DPP10: variants seen among roughly 807,000 people sequenced by gnomAD.
DPP10 encodes dipeptidyl peptidase like 10.
In DPP10, 33 loss-of-function variants were observed where a neutral mutation model predicts 120.9. The ratio of observed to expected loss-of-function variants is 0.27; its 90% confidence interval spans 0.21 to 0.37. DPP10 has a LOEUF of 0.37. Among genes scored for constraint, DPP10 ranks in the 10% least tolerant of loss-of-function variants. DPP10 has a pLI of 1.00. For missense variants in DPP10, 816 were observed against 942.8 expected (o/e 0.87, Z 1.76); for synonymous variants, 337 against 326.1 (o/e 1.03, Z -0.36).
At chr2:115,429,948 G>A (rs2070821735) in intron 3 of DPP10, among the ~76,000 whole-genome samples, 1 of 152,154 alleles carries the variant, frequency 6.6e-6, no homozygotes, top group Non-Finnish European at 1.5e-5. Context: ...GAGTGTGACT[G>A]GAAGTGGAAA....
chr2:114,723,777 ACT>A (rs1168116277), intron 1 of DPP10, among the ~76,000 whole-genome samples: 1 of 152,004 alleles, frequency 6.6e-6, no homozygotes, highest in Non-Finnish European at 1.5e-5. Flanking sequence ...GAATTCAAAA[ACT>A]CTCAGAAATT....
intron 15 of DPP10, among the ~76,000 whole-genome samples, chr2:115,780,626 A>C (rs1428386608): frequency 6.6e-6 from 1 of 151,856 alleles, no homozygotes; most frequent in Non-Finnish European, 1.5e-5. Context: ...CATACATACA[A>C]GTGTACATAT....
At chr2:114,653,858 C>G (rs921223918) in intron 1 of DPP10, among the ~76,000 whole-genome samples, 1 of 152,150 alleles carries the variant, frequency 6.6e-6, no homozygotes, top group Non-Finnish European at 1.5e-5. Context: ...AGATTCTCTT[C>G]GGGAATCCCT....
At chr2:115,803,790 C>G (rs191655366) in intron 19 of DPP10, among the ~76,000 whole-genome samples, 4 of 152,074 alleles carry the variant, frequency 2.6e-5, no homozygotes, top group Non-Finnish European at 5.9e-5. Flanking sequence ...GAGTTTCTGC[C>G]GAGAGATCCG....
At chr2:114,458,086 A>C (rs1678679082) in intron 1 of DPP10, among the ~76,000 whole-genome samples, 1 of 152,128 alleles carries the variant, frequency 6.6e-6, no homozygotes, top group Non-Finnish European at 1.5e-5. Flanking sequence ...TGACTCAAAA[A>C]GACCATTTCA....
At chr2:114,812,182 G>A (rs1685233405) in intron 1 of DPP10, among the ~76,000 whole-genome samples, 1 of 152,182 alleles carries the variant, frequency 6.6e-6, no homozygotes, top group African/African-American at 2.4e-5. Flanking sequence ...CTGCAGAATT[G>A]TTATTTGCAG....
intron 1 of DPP10, among the ~76,000 whole-genome samples, chr2:114,664,621 C>T (rs1247727305): frequency 8.0e-5 from 10 of 125,758 alleles, no homozygotes; most frequent in African/African-American, 2.3e-4. Flanking sequence ...AGCGAGACTC[C>T]GTCTCAAAAA....
At chr2:115,706,876 A>G (rs1157377801) in intron 7 of DPP10, among the ~76,000 whole-genome samples, 2 of 151,976 alleles carry the variant, frequency 1.3e-5, no homozygotes, top group Non-Finnish European at 2.9e-5. Context: ...GTCTGCATTA[A>G]TGTCGAGACT....
At chr2:115,596,173 A>G (rs2082975838) in intron 5 of DPP10, among the ~76,000 whole-genome samples, 1 of 152,166 alleles carries the variant, frequency 6.6e-6, no homozygotes, top group Admixed American at 6.6e-5. Context: ...CAAAAATATC[A>G]CACATAAATA....
intron 8 of DPP10, among the ~76,000 whole-genome samples, chr2:115,732,342 G>C (rs2092930500): frequency 6.6e-6 from 1 of 152,118 alleles, no homozygotes; most frequent in Non-Finnish European, 1.5e-5. Flanking sequence ...AGTGGCTGCT[G>C]CCCCCAACTA....
At chr2:114,494,284 C>T (rs1279760899) in intron 1 of DPP10, among the ~76,000 whole-genome samples, 2 of 152,050 alleles carry the variant, frequency 1.3e-5, no homozygotes, top group African/African-American at 4.8e-5. Flanking sequence ...TATTATCTTC[C>T]TCATAGTATT....
At chr2:115,151,352 C>T (rs2051538194) in intron 1 of DPP10, among the ~76,000 whole-genome samples, 1 of 151,504 alleles carries the variant, frequency 6.6e-6, no homozygotes, top group African/African-American at 2.4e-5. Context: ...TTATCAGTTA[C>T]ACTATGAGAT....
chr2:115,493,688 CTATGAAGTTGAGTTAGGTGGA>C (rs1280648125), intron 3 of DPP10, among the ~76,000 whole-genome samples: 1 of 152,078 alleles, frequency 6.6e-6, no homozygotes, highest in Non-Finnish European at 1.5e-5. Flanking sequence ...TTGTTACACA[CTATGAAGTTGAGTTAGGTGGA>C]TATTAAACAT....
chr2:115,081,935 G>T (rs919356037), intron 1 of DPP10, among the ~76,000 whole-genome samples: 1 of 152,050 alleles, frequency 6.6e-6, no homozygotes, highest in Non-Finnish European at 1.5e-5. Context: ...TTCCCAGAAG[G>T]CCTCTGCTAG....
At chr2:115,644,655 CA>C (rs1161732826) in intron 5 of DPP10, among the ~76,000 whole-genome samples, 2 of 151,488 alleles carry the variant, frequency 1.3e-5, no homozygotes, top group Non-Finnish European at 2.9e-5. Context: ...TGGCGTGCAC[CA>C]CCTGTAGTCC....
intron 24 of DPP10, among the ~76,000 whole-genome samples, chr2:115,840,255 A>G (rs17045158): frequency 0.08 from 12,085 of 150,192 alleles, 657 homozygotes; most frequent in Non-Finnish European, 0.12. Context: ...AGTGAAGCTC[A>G]AAGTTTTACC....
At position 114,834,899 on chromosome 2, in the gene DPP10, C is replaced by A. The variant is rs1460555494; in HGVS notation, c.60+392061C>A. 7.9e-4 allele frequency among the ~76,000 whole-genome samples: 105 copies of A among 133,630 alleles called. 7 individuals are homozygous for A. The highest frequency in any genetic ancestry group is 2.7e-3 in the African/African-American group (73 of 26,568). The allele number at this position is 133,630 out of a possible 152,430, so 87.7% of individuals were successfully genotyped here. A position where few individuals can be genotyped will look rare whatever the true frequency, so the allele number is the denominator to read the frequency against. On this transcript the variant is annotated intron_variant, in intron 1 of 25. Coordinates refer to ENST00000410059, the MANE Select transcript of DPP10 (RefSeq NM_020868.6). ...ATCTACACAACTATGTATATATAAG[C>A]CATATCTACACACCTATGTATATAT... is the stretch of plus-strand genomic sequence containing the variant.
intron 1 of DPP10, among the ~76,000 whole-genome samples, chr2:114,487,936 C>T (rs554302176): frequency 6.6e-6 from 1 of 152,238 alleles, no homozygotes; most frequent in South Asian, 2.1e-4. Flanking sequence ...CTTACATGCA[C>T]TAACAAACAG....
chr2:114,956,986 C>CAAAAAAAAAAAAAAAAAAAA (rs764400761), intron 1 of DPP10, among the ~76,000 whole-genome samples: 1 of 106,974 alleles, frequency 9.3e-6, no homozygotes, highest in Non-Finnish European at 1.9e-5. Context: ...TAAAACTATT[C>CAAAAAAAAAAAAAAAAAAAA]AAAAAAAAAA....
Sources: gnomAD v4.1 joint callset for allele counts (sites outside exome capture counted in the v4.1 genomes callset) on GRCh38, gnomAD v4.1.1 for gene constraint, MANE v1.5 for transcripts, NCBI Gene and HGNC (gene_info 2026-07-23, HGNC 2026-07-21) for gene names.